The following FBP1 variants were observed in gnomAD, a reference collection of about 807,000 sequenced individuals.
FBP1 encodes fructose-1,6-bisphosphatase 1.
Under a neutral mutation model 29.9 loss-of-function variants are expected in FBP1, and 22 were observed. The ratio of observed to expected loss-of-function variants is 0.74; its 90% CI spans 0.53 to 1.05. The LOEUF (loss-of-function observed/expected upper bound fraction) is 1.05. Ranked by LOEUF, FBP1 falls within the 50% of genes least tolerant of loss-of-function variation. The probability of loss-of-function intolerance (pLI) is 0.00; values close to 1 mark genes in which losing one functional copy is unlikely to be tolerated. For synonymous variants in FBP1, 175 were observed against 178.6 expected, an observed-to-expected ratio of 0.98 and a Z score of 0.16; for missense variants, 345 against 448.2, an observed-to-expected ratio of 0.77 and a Z score of 2.08.
Position 94,639,210 on chromosome 9 carries a change from AGCTGGGTCAACTCGCCCGTGCCGCGG to A in FBP1, c.75_100del (p.Arg26AlafsTer35), listed in dbSNP as rs1563991612. ...GACTGCTGTGCAGAGCGAGTTGAGCAGCTGGGTCAACTCGCCCGTGCCGCGGGCCTTCCTGCCCTCCTCCATGACGA... is the reference window on the plus strand; with the variant it reads ...GACTGCTGTGCAGAGCGAGTTGAGCAGCCTTCCTGCCCTCCTCCATGACGA... On this transcript the variant is annotated frameshift_variant, in exon 1 of 7. Transcript: ENST00000375326. LOFTEE classifies it high-confidence loss of function. 1 of 1,602,660 alleles carries A rather than the reference AGCTGGGTCAACTCGCCCGTGCCGCGG, an allele frequency of 6.2e-7. No homozygotes were observed. Among genetic ancestry groups the A allele is most frequent in the East Asian group, 2.3e-5 (1 of 44,230 alleles).
chr9:94,605,247 T>C (rs150812996), intron 6 of FBP1, among the ~76,000 whole-genome samples: 2 of 152,364 alleles, frequency 1.3e-5, no homozygotes, highest in East Asian at 3.9e-4. Context: ...TCTTTTGCCA[T>C]AGCACTGGAA....
At chr9:94,624,412 G>A (rs1381208398) in intron 1 of FBP1, among the ~76,000 whole-genome samples, 3 of 151,716 alleles carry the variant, frequency 2.0e-5, no homozygotes, top group Non-Finnish European at 1.5e-5. Flanking sequence ...CAGCACTTTG[G>A]GAGGCCAAGG....
In FBP1 at chr9:94,606,790, C is replaced by G. The variant is rs370507236; in HGVS notation, c.705+25G>C. Reference sequence around the variant, plus strand: ...TGGTGCCAGATGCCCAGAACCTGCACCACCCTCCCCGGGCCCTCACTTACT... The same window carrying G: ...TGGTGCCAGATGCCCAGAACCTGCAGCACCCTCCCCGGGCCCTCACTTACT... On this transcript the variant is annotated intron_variant, in intron 5 of 6. Transcript: ENST00000375326. 4 of 1,609,558 alleles carry G rather than the reference C, an allele frequency of 2.5e-6. No homozygotes were observed. The African/African-American group carries it at 4.0e-5, about 16-fold the overall frequency.
intron 1 of FBP1, among the ~76,000 whole-genome samples, chr9:94,635,300 T>C (rs1828175946): frequency 6.6e-6 from 1 of 152,244 alleles, no homozygotes; most frequent in Admixed American, 6.5e-5. Flanking sequence ...ATAGACTAGC[T>C]GACTGTTGAG....
intron 1 of FBP1, among the ~76,000 whole-genome samples, chr9:94,625,372 G>A (rs1177509278): frequency 2.0e-5 from 3 of 152,306 alleles, no homozygotes; most frequent in African/African-American, 4.8e-5. Context: ...CTGCAAGGAC[G>A]CATGGCACAG....
At chr9:94,631,365 G>C (rs1828102346) in intron 1 of FBP1, among the ~76,000 whole-genome samples, 1 of 152,204 alleles carries the variant, frequency 6.6e-6, no homozygotes, top group African/African-American at 2.4e-5. Context: ...GAACACCTTA[G>C]AAGCATAGAT....
chr9:94,639,343 G>T lies in FBP1; in HGVS notation c.-33C>A. The T allele has an allele frequency of 6.3e-7, 1 of 1,590,472 alleles. No individual in the cohort carries two copies. Among genetic ancestry groups the T allele is most frequent in the Non-Finnish European group, 8.6e-7 (1 of 1,168,584 alleles). On this transcript the variant is annotated 5_prime_UTR_variant, in exon 1 of 7. Coordinates refer to ENST00000375326, the MANE Select transcript of FBP1 (RefSeq NM_000507.4). ...CCGGGTAGAGCGCGGGGCTGCAGGT[G>T]CAAGCGGCAGGTGCGGGGCTGCAGG...
At chr9:94,640,210 G>A (rs1174637494), upstream of FBP1, 2 of 152,228 alleles carry the variant, frequency 1.3e-5, no homozygotes, top group Non-Finnish European at 2.9e-5. Flanking sequence ...AAGGCCAGAG[G>A]GCTCCACCGC....
chr9:94,607,055 C>T (rs1454664878), intron 4 of FBP1, 103 bp from the exon 5 acceptor site: 12 of 1,496,390 alleles, frequency 8.0e-6, no homozygotes, highest in East Asian at 2.3e-5. Context: ...GCTGGGGTCG[C>T]GGCGCACGGG....
At chr9:94,637,396 C>T (rs963138266) in intron 1 of FBP1, among the ~76,000 whole-genome samples, 6 of 133,394 alleles carry the variant, frequency 4.5e-5, no homozygotes, top group East Asian at 2.4e-4. Flanking sequence ...GAGCATCATG[C>T]GTCTTTTTTT....
chr9:94,636,259 C>A (rs1016479654), intron 1 of FBP1, among the ~76,000 whole-genome samples: 23 of 151,956 alleles, frequency 1.5e-4, no homozygotes, highest in Admixed American at 4.6e-4. Context: ...GTGGGCAGAT[C>A]GCTTGAGCCC....
intron 3 of FBP1, among the ~76,000 whole-genome samples, chr9:94,616,032 G>A (rs1827857013): frequency 1.3e-5 from 2 of 152,106 alleles, no homozygotes; most frequent in Non-Finnish European, 2.9e-5. Context: ...GTTTCACCGT[G>A]TTAGCCAGGA....
chr9:94,606,991 C>G, intron 4 of FBP1, 39 bp from the exon 5 acceptor site: 4 of 1,613,446 alleles, frequency 2.5e-6, no homozygotes, highest in Non-Finnish European at 3.4e-6. Context: ...AGATGACGAG[C>G]GCACTGGGTC....
intron 5 of FBP1, among the ~76,000 whole-genome samples, chr9:94,605,851 A>G (rs1246828910): frequency 6.6e-6 from 1 of 152,222 alleles, no homozygotes; most frequent in Non-Finnish European, 1.5e-5. Context: ...TGAGGCAGGC[A>G]TTACAGAAAC....
chr9:94,628,632 T>C (rs1342394085), intron 1 of FBP1, among the ~76,000 whole-genome samples: 1 of 152,154 alleles, frequency 6.6e-6, no homozygotes, highest in Non-Finnish European at 1.5e-5. Context: ...CCAAACGGGC[T>C]GCATAGAACC....
chr9:94,619,992 G>A (rs1827922472), intron 2 of FBP1, among the ~76,000 whole-genome samples: 2 of 151,900 alleles, frequency 1.3e-5, no homozygotes, highest in Admixed American at 6.6e-5. Context: ...TCAGTGTGAA[G>A]GTCAGGAATT....
chr9:94,638,237 T>G (rs910913863), intron 1 of FBP1, among the ~76,000 whole-genome samples: 3 of 152,036 alleles, frequency 2.0e-5, no homozygotes, highest in African/African-American at 7.2e-5. Context: ...ATGTGATGAG[T>G]AGACAAACAG....
chr9:94,639,585 C>G, upstream of FBP1: 1 of 557,428 alleles, frequency 1.8e-6, no homozygotes, highest in Non-Finnish European at 3.2e-6. Flanking sequence ...CCCGGGAACA[C>G]TCTTGCGCCC....
At chr9:94,639,118 C>G in intron 1 of FBP1, 23 bp downstream of exon 1, 2 of 1,579,344 alleles carry the variant, frequency 1.3e-6, no homozygotes, top group African/African-American at 1.3e-5. Context: ...AGGACGGGGC[C>G]CACCGCCCAA....
Sources: gnomAD v4.1 joint callset for allele counts (sites outside exome capture counted in the v4.1 genomes callset) on GRCh38, gnomAD v4.1.1 for gene constraint, MANE v1.5 for transcripts, NCBI Gene and HGNC (gene_info 2026-07-23, HGNC 2026-07-21) for gene names.